DUSP29: variants seen among roughly 807,000 people sequenced by gnomAD.
DUSP29 encodes atypical dual-specific protein phosphatase.
In DUSP29, 12 loss-of-function variants were observed where a neutral mutation model predicts 13.5. That is an observed-to-expected ratio of 0.89 (90% CI 0.57 to 1.44). The LOEUF is 1.44. DUSP29 is among the 40% of genes most tolerant of loss of function. The probability of loss-of-function intolerance (pLI) is 0.00; values close to 1 mark genes in which losing one functional copy is unlikely to be tolerated. For synonymous variants in DUSP29, 134 were observed against 128.7 expected (o/e 1.04, Z -0.28); for missense variants, 308 against 301.1 (o/e 1.02, Z -0.17).
chr10:75,059,329 G>A (rs1182985712), intron 1 of DUSP29, among the ~76,000 whole-genome samples: 1 of 152,204 alleles, frequency 6.6e-6, no homozygotes, highest in Non-Finnish European at 1.5e-5. Flanking sequence ...GGAATTTGCA[G>A]TGGAATTGGA....
At chr10:75,042,044 G>A (rs1846595385) in intron 3 of DUSP29, among the ~76,000 whole-genome samples, 1 of 152,102 alleles carries the variant, frequency 6.6e-6, no homozygotes. Context: ...ATGATGATGT[G>A]CACATGCTGG....
At chr10:75,045,425 G>C (rs1846685963) in intron 2 of DUSP29, among the ~76,000 whole-genome samples, 1 of 152,160 alleles carries the variant, frequency 6.6e-6, no homozygotes. Context: ...ACTAATGGGG[G>C]TAGGAAATAA....
At chr10:75,062,713 G>A (rs1044191698) in intron 1 of DUSP29, among the ~76,000 whole-genome samples, 7 of 152,144 alleles carry the variant, frequency 4.6e-5, no homozygotes, top group African/African-American at 1.4e-4. Flanking sequence ...GAGAGGCCAG[G>A]AGCATCTGTT....
In DUSP29 at chr10:75,058,343, C is replaced by T. The variant is rs1715763620; in HGVS notation, c.172G>A (p.Val58Ile). ...TCGCCAATGTAGAGCTTGGGCCAGA[C>T]CTCGTTGACGTGGGTGTACTGGGGA... ...GSPQYTHVNE[V>I]WPKLYIGDEA... Residue 58 changes from valine (V) to isoleucine (I), a missense_variant, in exon 2 of 4, where the codon GTC becomes ATC. Val to Ile is a conservative substitution (Grantham distance 29, BLOSUM62 3). Coordinates refer to ENST00000338487, the MANE Select transcript of DUSP29 (RefSeq NM_001003892.3). 3.1e-6 allele frequency: 5 copies of T among 1,614,006 alleles called. No individual in the cohort carries two copies. The highest frequency in any genetic ancestry group is 1.1e-5 in the South Asian group (1 of 91,066).
At chr10:75,065,864 A>G (rs1054875623) in intron 1 of DUSP29, among the ~76,000 whole-genome samples, 3 of 151,482 alleles carry the variant, frequency 2.0e-5, no homozygotes, top group Admixed American at 6.6e-5. Context: ...CTAATTTACT[A>G]TTATTATTAT....
intron 2 of DUSP29, among the ~76,000 whole-genome samples, chr10:75,048,591 G>C (rs2134287322): frequency 6.6e-6 from 1 of 152,102 alleles, no homozygotes; most frequent in East Asian, 1.9e-4. Context: ...GTAGAGACAG[G>C]GTTTCACCAT....
At chr10:75,046,612 C>T (rs1385950764) in intron 2 of DUSP29, among the ~76,000 whole-genome samples, 1 of 152,240 alleles carries the variant, frequency 6.6e-6, no homozygotes, top group Non-Finnish European at 1.5e-5. Context: ...TTGCAGACAG[C>T]CCATCAGAAC....
chr10:75,071,504 C>T (rs1053481723), intron 1 of DUSP29, among the ~76,000 whole-genome samples: 3 of 152,306 alleles, frequency 2.0e-5, no homozygotes, highest in South Asian at 2.1e-4. Flanking sequence ...GAGTGCCACC[C>T]GCAGACAGGA....
chr10:75,049,140 C>G (rs114081809), intron 2 of DUSP29, among the ~76,000 whole-genome samples: 2,064 of 152,224 alleles, frequency 0.014, 52 homozygotes, highest in African/African-American at 0.047. Context: ...TTTTGTCTTT[C>G]TACATTTTGT....
In DUSP29 at chr10:75,053,011, G is replaced by A. The variant is rs752193909; in HGVS notation, c.200+5304C>T. Among the ~76,000 whole-genome samples the A allele has an allele frequency of 2.2e-4, 33 of 152,212 alleles. 1 individual carries two copies. Among genetic ancestry groups the A allele is most frequent in the Non-Finnish European group, 4.1e-4 (28 of 68,046 alleles). On this transcript the variant is annotated intron_variant, in intron 2 of 3. Coordinates refer to ENST00000338487, the MANE Select transcript of DUSP29 (RefSeq NM_001003892.3). ...TCTCTTTTCTCTCTGCTGCAAGGCT[G>A]GCAAGATCTCAAATCAGGGCTGCTC... is the stretch of plus-strand genomic sequence containing the variant.
intron 3 of DUSP29, 41 bp downstream of exon 3, chr10:75,043,746 TCGGGGCGGGG>T: frequency 8.3e-7 from 1 of 1,203,012 alleles, no homozygotes; most frequent in Non-Finnish European, 1.1e-6. Context: ...GCGGGGCGAG[TCGGGGCGGGG>T]CGGGGCGGGG....
At position 75,056,954 on chromosome 10, in the gene DUSP29, C is replaced by T. The variant is rs143252430; in HGVS notation, c.200+1361G>A. On this transcript the variant is annotated intron_variant, in intron 2 of 3. Coordinates refer to ENST00000338487, the MANE Select transcript of DUSP29 (RefSeq NM_001003892.3). The stretch of plus-strand genomic sequence containing the variant: ...CTTCCTATGGCTAGACGATTATCTC[C>T]AGGTATTAAGCAGCAAGATATGTAT... Among the ~76,000 whole-genome samples, 939 of 152,232 alleles carry T rather than the reference C, an allele frequency of 6.2e-3. 7 individuals carry two copies. Among genetic ancestry groups the T allele is most frequent in the Middle Eastern group, 0.048 (14 of 294 alleles).
intron 2 of DUSP29, among the ~76,000 whole-genome samples, chr10:75,051,380 C>T (rs764110118): frequency 6.6e-6 from 1 of 152,210 alleles, no homozygotes; most frequent in South Asian, 2.1e-4. Context: ...TCCACATAGG[C>T]GAAGAAGCTG....
intron 3 of DUSP29, among the ~76,000 whole-genome samples, chr10:75,038,758 G>A (rs866658810): frequency 1.9e-4 from 29 of 152,172 alleles, no homozygotes; most frequent in African/African-American, 6.5e-4. Flanking sequence ...GGAGAGAAAG[G>A]GGAAAAGGAG....
intron 1 of DUSP29, among the ~76,000 whole-genome samples, chr10:75,071,505 G>A (rs980147019): frequency 6.6e-5 from 10 of 152,146 alleles, no homozygotes; most frequent in East Asian, 1.9e-4. Context: ...AGTGCCACCC[G>A]CAGACAGGAC....
chr10:75,050,598 G>A (rs999575956), intron 2 of DUSP29, among the ~76,000 whole-genome samples: 9 of 152,224 alleles, frequency 5.9e-5, no homozygotes, highest in African/African-American at 2.2e-4. Context: ...ACAATAAAAT[G>A]CTTTGCCAAA....
At chr10:75,050,187 C>T (rs891745992) in intron 2 of DUSP29, among the ~76,000 whole-genome samples, 5 of 152,094 alleles carry the variant, frequency 3.3e-5, no homozygotes, top group African/African-American at 1.2e-4. Context: ...TCCCCTCCTG[C>T]TGACTATAGG....
intron 2 of DUSP29, among the ~76,000 whole-genome samples, chr10:75,056,989 A>G (rs1846974413): frequency 6.6e-6 from 1 of 152,174 alleles, no homozygotes; most frequent in Non-Finnish European, 1.5e-5. Flanking sequence ...TTAAAATCAC[A>G]TATAGGCCGG....
rs200759625 is a variant in DUSP29, at chr10:75,043,880, G to C, written c.338C>G (p.Ala113Gly). The change falls in exon 3 of 4, where the codon GCC becomes GGC. Residue 113 changes from alanine (A) to glycine (G), a missense_variant. Transcript: ENST00000338487. ...DMDIQYHGVEADDLPTFDLSV... is the reference protein window; with the variant it reads ...DMDIQYHGVEGDDLPTFDLSV... ...GAGGTCGAAGGTGGGCAGGTCGTCG[G>C]CCTCCACGCCGTGGTACTGGATGTC... 1.2e-6 allele frequency: 2 copies of C among 1,614,064 alleles called. No individual in the cohort carries two copies. The highest frequency in any genetic ancestry group is 4.5e-5 in the East Asian group (2 of 44,884).
Sources: gnomAD v4.1 joint callset for allele counts (sites outside exome capture counted in the v4.1 genomes callset) on GRCh38, gnomAD v4.1.1 for gene constraint, MANE v1.5 for transcripts, NCBI Gene and HGNC (gene_info 2026-07-23, HGNC 2026-07-21) for gene names.